Variants in HOOK1 observed in about 807,000 individuals in gnomAD.
HOOK1 encodes hook microtubule tethering protein 1, also known as protein Hook homolog 1.
In HOOK1, 60 loss-of-function variants were observed where a neutral mutation model predicts 112.8. The observed-to-expected ratio is 0.53, with a 90% CI of 0.43 to 0.66. HOOK1 has a LOEUF of 0.66. HOOK1 is among the 30% of genes least tolerant of loss of function. The pLI is 0.00. For missense variants in HOOK1, 770 were observed against 856.0 expected (o/e 0.90, Z 1.25); for synonymous variants, 294 against 283.8 (o/e 1.04, Z -0.36).
chr1:59,866,332 G>A (rs1289374019), intron 19 of HOOK1, among the ~76,000 whole-genome samples: 2 of 152,176 alleles, frequency 1.3e-5, no homozygotes, highest in Admixed American at 1.3e-4. Flanking sequence ...TCTAGAAACA[G>A]CAAAATGGAT....
At chr1:59,872,019 C>T (rs914607326) in intron 21 of HOOK1, among the ~76,000 whole-genome samples, 2 of 152,148 alleles carry the variant, frequency 1.3e-5, no homozygotes, top group East Asian at 1.9e-4. Flanking sequence ...TTTGTTCTTC[C>T]ATGACCTCTT....
intron 4 of HOOK1, among the ~76,000 whole-genome samples, chr1:59,832,638 T>G (rs1206020511): frequency 6.6e-6 from 1 of 152,130 alleles, no homozygotes; most frequent in Non-Finnish European, 1.5e-5. Context: ...AGTAGTATTA[T>G]AAAGTCACTT....
chr1:59,860,111 A>C, intron 14 of HOOK1, 77 bp from the exon 15 acceptor site: 1 of 1,146,968 alleles, frequency 8.7e-7, no homozygotes. Context: ...AGTGGACAGG[A>C]ATTTCCTTTT....
intron 2 of HOOK1, 56 bp downstream of exon 2, chr1:59,821,999 G>A: frequency 7.3e-7 from 1 of 1,365,776 alleles, no homozygotes; most frequent in Non-Finnish European, 1.0e-6. Context: ...ACATACCAAG[G>A]AAGAAAACTT....
intron 7 of HOOK1, among the ~76,000 whole-genome samples, chr1:59,839,249 C>T (rs2102029447): frequency 6.6e-6 from 1 of 152,216 alleles, no homozygotes; most frequent in South Asian, 2.1e-4. Context: ...TCAGTGGTAG[C>T]TTGATGGGGA....
chr1:59,855,984 A>ATTTTTTTTTT (rs1167413179), intron 12 of HOOK1, among the ~76,000 whole-genome samples: 2 of 60,288 alleles, frequency 3.3e-5, no homozygotes, highest in African/African-American at 2.0e-4. Context: ...ATATATATAT[A>ATTTTTTTTTT]TTTTTTTTTT....
intron 2 of HOOK1, among the ~76,000 whole-genome samples, chr1:59,828,235 C>T (rs2098391338): frequency 1.3e-5 from 2 of 152,118 alleles, no homozygotes; most frequent in South Asian, 4.1e-4. Flanking sequence ...CAATATGGGA[C>T]TTTGCTTTTC....
rs983009601 is a variant in HOOK1, at chr1:59,874,608, T to C, written c.*1643T>C. 3 of 152,180 alleles carry C rather than the reference T, an allele frequency of 2.0e-5. No individual in the cohort carries two copies. Among genetic ancestry groups the C allele is most frequent in the Non-Finnish European group, 2.9e-5 (2 of 68,006 alleles). 9.4% of individuals were successfully genotyped at this position (152,180 alleles called of 1,614,324 possible). A position where few individuals can be genotyped will look rare whatever the true frequency, so the allele number is the denominator to read the frequency against. ...AGTACTCAACTCTGCCATTATAGAG[T>C]TAAAGCAGCCATACACAATATATAA... is the stretch of plus-strand genomic sequence containing the variant. On this transcript the variant is annotated 3_prime_UTR_variant, in exon 22 of 22. Transcript: ENST00000371208.
At chr1:59,818,694 G>T (rs12057379) in intron 1 of HOOK1, among the ~76,000 whole-genome samples, 7,225 of 152,252 alleles carry the variant, frequency 0.047, 404 homozygotes, top group African/African-American at 0.13. Flanking sequence ...TGCATTCTTT[G>T]ACAGGCAGAT....
At chr1:59,834,303 G>T (rs1370666684) in intron 5 of HOOK1, among the ~76,000 whole-genome samples, 1 of 152,128 alleles carries the variant, frequency 6.6e-6, no homozygotes, top group Non-Finnish European at 1.5e-5. Flanking sequence ...ATTCAACATT[G>T]TCTGACTAAT....
At chr1:59,853,798 A>G (rs989044001) in intron 12 of HOOK1, among the ~76,000 whole-genome samples, 1 of 151,514 alleles carries the variant, frequency 6.6e-6, no homozygotes, top group African/African-American at 2.4e-5. Context: ...CCTTGAAACA[A>G]TCCATTTAGA....
At chr1:59,858,660 CT>C (rs1241859655) in intron 13 of HOOK1, 145 bp downstream of exon 13, 2 of 643,178 alleles carry the variant, frequency 3.1e-6, no homozygotes, top group Non-Finnish European at 5.6e-6. Context: ...TCACTTGAGC[CT>C]AGGAGTTTGA....
intron 4 of HOOK1, among the ~76,000 whole-genome samples, chr1:59,832,552 T>C (rs1220252800): frequency 6.6e-6 from 1 of 152,126 alleles, no homozygotes; most frequent in East Asian, 1.9e-4. Context: ...TTGACATTTC[T>C]TCCCAGCGTA....
At chr1:59,864,372 A>G (rs913840544) in intron 16 of HOOK1, among the ~76,000 whole-genome samples, 2 of 152,016 alleles carry the variant, frequency 1.3e-5, no homozygotes, top group Non-Finnish European at 2.9e-5. Context: ...TTTTTATTAC[A>G]TTCAGAAACA....
At chr1:59,862,639 G>A in intron 15 of HOOK1, 145 bp from the exon 16 acceptor site, 1 of 543,328 alleles carries the variant, frequency 1.8e-6, no homozygotes. Flanking sequence ...ACTTCATATT[G>A]TACCTAGGCA....
At chr1:59,818,325 A>C (rs970241950) in intron 1 of HOOK1, among the ~76,000 whole-genome samples, 1 of 152,246 alleles carries the variant, frequency 6.6e-6, no homozygotes, top group Non-Finnish European at 1.5e-5. Flanking sequence ...GAATGGAGCC[A>C]ACATCAACAG....
At chr1:59,841,519 A>G (rs919215306) in intron 8 of HOOK1, among the ~76,000 whole-genome samples, 4 of 152,166 alleles carry the variant, frequency 2.6e-5, no homozygotes, top group African/African-American at 9.6e-5. Context: ...AGTCCTCTGT[A>G]TTTGAATGAA....
intron 16 of HOOK1, chr1:59,863,933 G>T: frequency 1.9e-6 from 1 of 534,374 alleles, no homozygotes; most frequent in Non-Finnish European, 2.4e-6. Flanking sequence ...TTAAAATGAG[G>T]TATTTTGCAG....
In HOOK1 at chr1:59,875,270, G is replaced by A. The variant is rs183813265; in HGVS notation, c.*2305G>A. 7.8e-4 allele frequency: 119 copies of A among 152,508 alleles called. No homozygotes were observed. The highest frequency in any genetic ancestry group is 2.6e-3 in the African/African-American group (106 of 41,524). 9.4% of individuals were successfully genotyped at this position (152,508 alleles called of 1,614,324 possible). A position where few individuals can be genotyped will look rare whatever the true frequency, so the allele number is the denominator to read the frequency against. On this transcript the variant is annotated 3_prime_UTR_variant, in exon 22 of 22. Transcript: ENST00000371208. The stretch of plus-strand genomic sequence containing the variant: ...CTAAATCATGCAATTTCTGAATAAG[G>A]ACATAAGGCTAGATTCATTTTTCTT...
Sources: gnomAD v4.1 joint callset for allele counts (sites outside exome capture counted in the v4.1 genomes callset) on GRCh38, gnomAD v4.1.1 for gene constraint, MANE v1.5 for transcripts, NCBI Gene and HGNC (gene_info 2026-07-23, HGNC 2026-07-21) for gene names.